AMZ2: variants seen among roughly 807,000 people sequenced by gnomAD.
The protein encoded by AMZ2 is archaelysin family metallopeptidase 2, also known as archaemetzincin-2.
Under a neutral mutation model 36.7 loss-of-function variants are expected in AMZ2, and 26 were observed. The observed-to-expected ratio is 0.71, with a 90% CI of 0.52 to 0.98. The LOEUF (loss-of-function observed/expected upper bound fraction) is 0.98, where lower values mean the gene tolerates loss of function less well. Among genes scored for constraint, AMZ2 ranks in the 50% least tolerant of loss-of-function variants. The pLI is 0.00. For synonymous variants in AMZ2, 144 were observed against 149.1 expected (o/e 0.97, Z 0.25); for missense variants, 394 against 430.5 (o/e 0.92, Z 0.75).
At chr17:68,207,313 A>ACCCCCCCCCCCC (rs10678271) in intron 1 of AMZ2, 1 of 110,654 alleles carries the variant, frequency 9.0e-6, no homozygotes, top group Non-Finnish European at 1.9e-5. Flanking sequence ...TTTGTTAAAT[A>ACCCCCCCCCCCC]CCCCCCCCCC....
intron 1 of AMZ2, chr17:68,249,077 A>C (rs2074243618): frequency 8.4e-7 from 1 of 1,187,268 alleles, no homozygotes; most frequent in Non-Finnish European, 1.0e-6. Context: ...ACACGATGTG[A>C]ATGGAAGAAA....
upstream of AMZ2, among the ~76,000 whole-genome samples, chr17:68,246,255 C>A (rs551858219): frequency 4.0e-5 from 6 of 149,684 alleles, no homozygotes; most frequent in East Asian, 1.2e-3. Context: ...GTAGTCCCAG[C>A]TACTCTGTAG....
At chr17:68,210,269 A>C (rs2144469771) in intron 1 of AMZ2, among the ~76,000 whole-genome samples, 1 of 152,378 alleles carries the variant, frequency 6.6e-6, no homozygotes, top group East Asian at 1.9e-4. Context: ...CTCAATGACC[A>C]AAAGGTGGAA....
chr17:68,251,197 T>A lies in AMZ2; in HGVS notation c.586+19T>A. Reference sequence around the variant, plus strand: ...ACAGATGGTATTCCGTTTTTGGCATTGTTGTTAGAAGCTTCTTCAGCTTGA... The same window carrying A: ...ACAGATGGTATTCCGTTTTTGGCATAGTTGTTAGAAGCTTCTTCAGCTTGA... On this transcript the variant is annotated intron_variant, in intron 4 of 6. Transcript: ENST00000359904. 1 of 1,598,328 alleles carries A rather than the reference T, an allele frequency of 6.3e-7. No individual in the cohort carries two copies. The highest frequency in any genetic ancestry group is 1.4e-5 in the African/African-American group (1 of 73,798).
Position 68,250,464 on chromosome 17 carries a change from T to C in AMZ2, c.277T>C (p.Ser93Pro). The C allele has an allele frequency of 6.2e-7, 1 of 1,613,850 alleles. No homozygotes were observed. The highest frequency in any genetic ancestry group is 8.5e-7 in the Non-Finnish European group (1 of 1,179,872). ...SPNKRSIYIQ[S>P]IGSLGNTRII... ...AAACAAACGCAGCATTTATATACAG[T>C]CCATTGGTAAATACTGGTAATGTGC... Residue 93 changes from serine (S) to proline (P), a missense_variant, in exon 2 of 7, where the codon TCC becomes CCC. By Grantham distance (74) the Ser-to-Pro change is moderately conservative. Transcript: ENST00000359904.
At position 68,250,868 on chromosome 17, in the gene AMZ2, T is replaced by A; in HGVS notation, c.358T>A (p.Tyr120Asn). 1 of 1,609,238 alleles carries A rather than the reference T, an allele frequency of 6.2e-7. No individual in the cohort carries two copies. Residue 120 changes from tyrosine (Y) to asparagine (N), a missense_variant, in exon 3 of 7, where the codon TAT (tyrosine) becomes AAT (asparagine). Tyr to Asn is a moderately radical substitution (Grantham distance 143). Coordinates refer to ENST00000359904, the MANE Select transcript of AMZ2 (RefSeq NM_016627.5). ...CACGGGCTACTGTAAAGCATATTTC[T>A]ATGGCTTGAGAGTAAAACTCCTAGA... Reference protein sequence around the residue: ...WLTGYCKAYFYGLRVKLLEPV... With the variant: ...WLTGYCKAYFNGLRVKLLEPV...
In AMZ2 at chr17:68,225,690, G is replaced by A. The variant is rs540841846; in HGVS notation, c.-67+19452G>A. 2.0e-4 allele frequency among the ~76,000 whole-genome samples: 31 copies of A among 152,114 alleles called. 1 individual carries two copies. The highest frequency in any genetic ancestry group is 7.5e-4 in the African/African-American group (31 of 41,478). ...ACTCTGTTGCCCAGGCTGGAGTGCA[G>A]TGGTGTAATCTCGGCTCACCATAAC... On this transcript the variant is annotated intron_variant, in intron 1 of 7. Transcript: ENST00000674770.
intron 1 of AMZ2, among the ~76,000 whole-genome samples, chr17:68,209,484 A>G (rs1209849896): frequency 6.6e-6 from 1 of 151,726 alleles, no homozygotes; most frequent in African/African-American, 2.4e-5. Context: ...GTGAGCCACT[A>G]TGCCCGGCCT....
At chr17:68,223,373 T>C (rs1368547327) in intron 1 of AMZ2, among the ~76,000 whole-genome samples, 1 of 152,070 alleles carries the variant, frequency 6.6e-6, no homozygotes, top group East Asian at 1.9e-4. Context: ...CTCATTATAA[T>C]GAAGCCCTGC....
upstream of AMZ2, among the ~76,000 whole-genome samples, chr17:68,246,193 TACA>T (rs2074001617): frequency 4.8e-5 from 1 of 20,850 alleles, no homozygotes; most frequent in African/African-American, 2.1e-4. Context: ...CTACTAAAAA[TACA>T]AAAAAAAAAA....
chr17:68,234,402 C>A (rs2073738432), intron 1 of AMZ2, among the ~76,000 whole-genome samples: 1 of 151,294 alleles, frequency 6.6e-6, no homozygotes, highest in South Asian at 2.1e-4. Flanking sequence ...GAGTGCACAG[C>A]CTGGGCAACG....
rs55937321 is a variant in AMZ2, at chr17:68,221,209, T to TCCCCCCCCCC, written c.-67+14980_-67+14981insCCCCCCCCCC. Among the ~76,000 whole-genome samples the TCCCCCCCCCC allele has an allele frequency of 3.9e-3, 260 of 66,732 alleles. 3 individuals carry two copies. The highest frequency in any genetic ancestry group is 4.3e-3 in the Non-Finnish European group (160 of 37,330). The allele number at this position is 66,732 out of a possible 152,430, so 43.8% of individuals were successfully genotyped here. A position where few individuals can be genotyped will look rare whatever the true frequency, so the allele number is the denominator to read the frequency against. On this transcript the variant is annotated intron_variant, in intron 1 of 7. Transcript: ENST00000674770. ...TGATCTTCCTGCCTCAGCCCTCAGC[T>TCCCCCCCCCC]CCCCCCCCCGCCCCCCCGGTAGCTA...
At chr17:68,208,567 GC>G (rs1348461700) in intron 1 of AMZ2, among the ~76,000 whole-genome samples, 9 of 152,142 alleles carry the variant, frequency 5.9e-5, no homozygotes, top group African/African-American at 2.2e-4. Context: ...TTTGAGTGGG[GC>G]CTGATAAGAA....
intron 6 of AMZ2, among the ~76,000 whole-genome samples, chr17:68,256,558 G>A (rs2074919767): frequency 1.3e-5 from 2 of 152,226 alleles, no homozygotes; most frequent in African/African-American, 4.8e-5. Flanking sequence ...GAAACAAAGT[G>A]TAAGAATGAG....
intron 4 of AMZ2, among the ~76,000 whole-genome samples, chr17:68,252,327 A>T (rs1456236690): frequency 6.6e-6 from 1 of 152,130 alleles, no homozygotes; most frequent in Non-Finnish European, 1.5e-5. Context: ...TTTATTCTTT[A>T]TTCTCCATTT....
intron 4 of AMZ2, among the ~76,000 whole-genome samples, chr17:68,251,762 A>G (rs2074497737): frequency 6.6e-6 from 1 of 152,354 alleles, no homozygotes; most frequent in East Asian, 1.9e-4. Flanking sequence ...GAATTAAACC[A>G]ATTACAGTTT....
chr17:68,218,965 G>A (rs2073273474), intron 1 of AMZ2, among the ~76,000 whole-genome samples: 1 of 152,098 alleles, frequency 6.6e-6, no homozygotes, highest in African/African-American at 2.4e-5. Flanking sequence ...TGGTCTATAT[G>A]TAACCCCCTA....
intron 1 of AMZ2, among the ~76,000 whole-genome samples, chr17:68,222,064 A>G (rs1374864026): frequency 6.6e-6 from 1 of 152,262 alleles, no homozygotes; most frequent in Non-Finnish European, 1.5e-5. Context: ...AGGTGAATGA[A>G]AAGGATACTT....
At chr17:68,242,223 A>G (rs1471789837) in intron 1 of AMZ2, among the ~76,000 whole-genome samples, 2 of 152,184 alleles carry the variant, frequency 1.3e-5, no homozygotes, top group Non-Finnish European at 2.9e-5. Context: ...GGAACCACCT[A>G]GAAAGCATGG....
Sources: gnomAD v4.1 joint callset for allele counts (sites outside exome capture counted in the v4.1 genomes callset) on GRCh38, gnomAD v4.1.1 for gene constraint, MANE v1.5 for transcripts, NCBI Gene and HGNC (gene_info 2026-07-23, HGNC 2026-07-21) for gene names.